ARHGAP22: variants seen among roughly 807,000 people sequenced by gnomAD.
ARHGAP22 encodes the protein rho GTPase-activating protein 22.
In ARHGAP22, 48 loss-of-function variants were observed where a neutral mutation model predicts 59.1. The observed-to-expected ratio is 0.81, with a 90% confidence interval of 0.64 to 1.03. The LOEUF is 1.03. Ranked by LOEUF, ARHGAP22 falls within the 50% of genes least tolerant of loss-of-function variation. The pLI, the probability that ARHGAP22 is intolerant of heterozygous loss-of-function variation, is 0.00. For synonymous variants in ARHGAP22, 445 were observed against 416.4 expected (o/e 1.07, Z -0.84); for missense variants, 1,015 against 958.7 (o/e 1.06, Z -0.78).
At chr10:48,488,094 G>A (rs546862712) in intron 3 of ARHGAP22, among the ~76,000 whole-genome samples, 5 of 152,240 alleles carry the variant, frequency 3.3e-5, no homozygotes, top group Non-Finnish European at 7.4e-5. Flanking sequence ...AACAGCAATA[G>A]AAAACTAATA....
chr10:48,593,590 A>G (rs557065384), intron 1 of ARHGAP22, among the ~76,000 whole-genome samples: 15 of 152,392 alleles, frequency 9.8e-5, no homozygotes, highest in African/African-American at 3.1e-4. Context: ...TGAGATGGCT[A>G]CTAAGTGACC....
chr10:48,464,538 T>C (rs1299590478), intron 4 of ARHGAP22, among the ~76,000 whole-genome samples: 10 of 152,068 alleles, frequency 6.6e-5, no homozygotes, highest in Admixed American at 4.6e-4. Context: ...GCAGGGCACA[T>C]GATGGAGGAG....
At chr10:48,435,741 A>C in the ARHGAP22 span, 1 of 152,232 alleles carries the variant, frequency 6.6e-6, no homozygotes, top group Non-Finnish European at 1.5e-5. Context: ...TCCCCACCCT[A>C]CCCAACAAAA....
At chr10:48,589,188 G>T (rs1338360309) in intron 1 of ARHGAP22, among the ~76,000 whole-genome samples, 1 of 152,124 alleles carries the variant, frequency 6.6e-6, no homozygotes, top group Admixed American at 6.5e-5. Flanking sequence ...AATCCAACCT[G>T]AATTGGATCT....
chr10:48,586,216 C>A (rs539826965), intron 1 of ARHGAP22, among the ~76,000 whole-genome samples: 1 of 152,262 alleles, frequency 6.6e-6, no homozygotes, highest in South Asian at 2.1e-4. Flanking sequence ...ATTAAAAAGA[C>A]GTTGGGACCC....
At chr10:48,606,303 G>A (rs1325595181), upstream of ARHGAP22, among the ~76,000 whole-genome samples, 1 of 152,110 alleles carries the variant, frequency 6.6e-6, no homozygotes, top group East Asian at 1.9e-4. Flanking sequence ...GTCCTCCCTA[G>A]GGAACAGTGT....
chr10:48,624,511 A>C (rs919353246), intron 1 of ARHGAP22: 3 of 152,222 alleles, frequency 2.0e-5, no homozygotes, highest in African/African-American at 7.2e-5. Context: ...TGTAGGCTTT[A>C]CACTCCTGGT....
chr10:48,460,837 A>G (rs10776605), intron 4 of ARHGAP22, among the ~76,000 whole-genome samples: 1 of 152,170 alleles, frequency 6.6e-6, no homozygotes, highest in Non-Finnish European at 1.5e-5. Context: ...ACAAGTGATA[A>G]AATATGGGTG....
chr10:48,498,838 C>T (rs772826172), intron 3 of ARHGAP22, among the ~76,000 whole-genome samples: 2 of 152,094 alleles, frequency 1.3e-5, no homozygotes, highest in African/African-American at 4.8e-5. Context: ...GAGGTGCATA[C>T]CTATCACTCA....
chr10:48,472,510 C>T (rs1037926902), intron 4 of ARHGAP22, among the ~76,000 whole-genome samples: 27 of 152,018 alleles, frequency 1.8e-4, no homozygotes, highest in Middle Eastern at 3.4e-3. Flanking sequence ...GGCAACAGAG[C>T]GAGACTCTGT....
Position 48,451,250 on chromosome 10 carries a change from A to G in ARHGAP22, c.989-110T>C. ...TCGTGGGAGCTGGCCCTGTCCCCAG[A>G]GCCAGGCCGCCCCTCAAGGGAGCCT... On this transcript the variant is annotated intron_variant, in intron 8 of 9. Transcript: ENST00000249601. 1.4e-6 allele frequency: 2 copies of G among 1,432,050 alleles called. No individual in the cohort carries two copies. Among genetic ancestry groups the G allele is most frequent in the African/African-American group, 1.4e-5 (1 of 70,636 alleles). The allele number at this position is 1,432,050 out of a possible 1,614,324, so 88.7% of individuals were successfully genotyped here.
chr10:48,495,837 C>A (rs930014850), intron 3 of ARHGAP22, among the ~76,000 whole-genome samples: 1 of 152,212 alleles, frequency 6.6e-6, no homozygotes, highest in African/African-American at 2.4e-5. Flanking sequence ...GGCAGGCTGC[C>A]CTGCTGGGAG....
intron 2 of ARHGAP22, chr10:48,556,620 A>G (rs2057327399): frequency 6.6e-6 from 1 of 152,220 alleles, no homozygotes; most frequent in Non-Finnish European, 1.5e-5. Flanking sequence ...TCTGTGCCCC[A>G]GTTTCCTTGT....
At chr10:48,652,803 C>G (rs2062617754), upstream of ARHGAP22, among the ~76,000 whole-genome samples, 1 of 152,116 alleles carries the variant, frequency 6.6e-6, no homozygotes, top group African/African-American at 2.4e-5. Flanking sequence ...CTGGTGGGCA[C>G]AGCAGTCCTG....
chr10:48,613,263 T>C (rs1302123450), intron 1 of ARHGAP22, among the ~76,000 whole-genome samples: 2 of 152,230 alleles, frequency 1.3e-5, no homozygotes, highest in Admixed American at 1.3e-4. Context: ...ACCACTGTCA[T>C]GTGACAGAAA....
At chr10:48,509,529 T>A (rs1405741844) in intron 3 of ARHGAP22, among the ~76,000 whole-genome samples, 1 of 152,206 alleles carries the variant, frequency 6.6e-6, no homozygotes, top group Non-Finnish European at 1.5e-5. Context: ...AATGCTCAAG[T>A]CGAAGGCGGG....
At chr10:48,490,167 C>A (rs928017058) in intron 3 of ARHGAP22, among the ~76,000 whole-genome samples, 1 of 152,164 alleles carries the variant, frequency 6.6e-6, no homozygotes. Flanking sequence ...ACCAAAGGGA[C>A]CCACCTCATC....
chr10:48,644,230 G>A (rs1345488832), intron 1 of ARHGAP22, among the ~76,000 whole-genome samples: 1 of 152,200 alleles, frequency 6.6e-6, no homozygotes, highest in Non-Finnish European at 1.5e-5. Flanking sequence ...GTATTAGGAA[G>A]CTGTAACAAT....
intron 3 of ARHGAP22, among the ~76,000 whole-genome samples, chr10:48,481,771 C>T (rs958179164): frequency 6.6e-6 from 1 of 152,248 alleles, no homozygotes; most frequent in Non-Finnish European, 1.5e-5. Flanking sequence ...CCCCCACATA[C>T]ACACCAACAC....
Sources: allele counts gnomAD v4.1 joint callset (sites outside exome capture counted in the v4.1 genomes callset), GRCh38; gene constraint gnomAD v4.1.1; transcripts MANE v1.5; gene names NCBI Gene and HGNC (gene_info 2026-07-23, HGNC 2026-07-21).